Variants in LRBA observed in about 807,000 individuals in gnomAD.
LRBA encodes LPS responsive beige-like anchor protein, also known as lipopolysaccharide-responsive and beige-like anchor protein.
A neutral mutation model predicts 330.0 loss-of-function variants in LRBA; 176 were observed. The observed-to-expected ratio is 0.53, with a 90% CI of 0.47 to 0.60. The LOEUF (loss-of-function observed/expected upper bound fraction) is 0.60. Ranked by LOEUF, LRBA falls within the 20% of genes least tolerant of loss-of-function variation. LRBA has a pLI of 0.00. For missense variants in LRBA, 3,259 were observed against 3,444.8 expected (o/e 0.95, Z 1.35); for synonymous variants, 1,230 against 1,193.0 (o/e 1.03, Z -0.64).
intron 35 of LRBA, among the ~76,000 whole-genome samples, chr4:150,738,017 A>AAATGTGACTTGAGGAGGGG (rs1731450061): frequency 7.4e-6 from 1 of 134,252 alleles, no homozygotes; most frequent in Admixed American, 7.9e-5. Context: ...TCTGAGACGA[A>AAATGTGACTTGAGGAGGGG]GTTTCGCTCT....
intron 40 of LRBA, among the ~76,000 whole-genome samples, chr4:150,553,614 T>C (rs1164577496): frequency 6.6e-6 from 1 of 152,088 alleles, no homozygotes; most frequent in African/African-American, 2.4e-5. Context: ...AATTGTCAAG[T>C]CAGAAAGTTA....
intron 36 of LRBA, among the ~76,000 whole-genome samples, chr4:150,695,289 C>A (rs1193682241): frequency 6.6e-6 from 1 of 152,034 alleles, no homozygotes; most frequent in Non-Finnish European, 1.5e-5. Context: ...CTCTGTATCC[C>A]CAGGTTCTAC....
At chr4:150,818,656 AT>A (rs1389360504) in intron 30 of LRBA, among the ~76,000 whole-genome samples, 3 of 151,902 alleles carry the variant, frequency 2.0e-5, no homozygotes, top group African/African-American at 7.2e-5. Flanking sequence ...GGAGGGAGAA[AT>A]TTAAAACCCA....
chr4:150,468,619 C>T (rs920251275), intron 43 of LRBA, among the ~76,000 whole-genome samples: 1 of 151,924 alleles, frequency 6.6e-6, no homozygotes, highest in Non-Finnish European at 1.5e-5. Flanking sequence ...CTAGTCTATA[C>T]ATATTTTTAG....
At chr4:150,639,781 ATGTGTGTGTG>A (rs57210930) in intron 37 of LRBA, among the ~76,000 whole-genome samples, 8,861 of 14,092 alleles carry the variant, frequency 0.63, 3,118 homozygotes, top group Non-Finnish European at 0.72. Context: ...ATATATATAT[ATGTGTGTGTG>A]TATATATATA....
chr4:150,540,219 GTGTTGT>G (rs199996274), intron 40 of LRBA, among the ~76,000 whole-genome samples: 7 of 152,096 alleles, frequency 4.6e-5, no homozygotes, highest in Admixed American at 2.6e-4. Context: ...GTTTTTATGG[GTGTTGT>G]TGTTGTTGTT....
chr4:150,491,043 G>A lies in LRBA; in HGVS notation c.6331-8C>T, dbSNP rs1581473443. ...TTCTGTATATGCCAAGATCTAATGA[G>A]GAAAAAAATAATCCCAGGTAAGTAA... is the stretch of plus-strand genomic sequence containing the variant. On this transcript the variant is annotated splice_polypyrimidine_tract_variant and splice_region_variant and intron_variant, in intron 40 of 56. Transcript: ENST00000651943. 2 of 1,411,804 alleles carry A rather than the reference G, an allele frequency of 1.4e-6. No homozygotes were observed. The highest frequency in any genetic ancestry group is 1.8e-5 in the Admixed American group (1 of 54,684). 87.5% of individuals were successfully genotyped at this position (1,411,804 alleles called of 1,614,324 possible). A position where few individuals can be genotyped will look rare whatever the true frequency, so the allele number is the denominator to read the frequency against.
At chr4:150,626,800 A>T (rs942912683) in intron 37 of LRBA, among the ~76,000 whole-genome samples, 1 of 152,196 alleles carries the variant, frequency 6.6e-6, no homozygotes, top group Non-Finnish European at 1.5e-5. Context: ...AAGAGCAAGA[A>T]AACCTTAATT....
chr4:150,387,176 T>G (rs1030699092), intron 47 of LRBA, among the ~76,000 whole-genome samples: 1 of 152,160 alleles, frequency 6.6e-6, no homozygotes, highest in Non-Finnish European at 1.5e-5. Flanking sequence ...ATGGATAGAT[T>G]GCAAAAATTT....
chr4:150,677,399 T>C (rs960711842), intron 37 of LRBA, among the ~76,000 whole-genome samples: 2 of 152,250 alleles, frequency 1.3e-5, no homozygotes, highest in East Asian at 1.9e-4. Context: ...AATTTTTTAA[T>C]GTTTCAATGA....
intron 47 of LRBA, among the ~76,000 whole-genome samples, chr4:150,404,011 G>A (rs987768626): frequency 2.0e-5 from 3 of 151,954 alleles, no homozygotes; most frequent in Admixed American, 6.6e-5. Flanking sequence ...CAGCCTGGGC[G>A]ACAGAGCGAG....
At chr4:150,805,851 T>A (rs1374194828) in intron 33 of LRBA, among the ~76,000 whole-genome samples, 1 of 152,126 alleles carries the variant, frequency 6.6e-6, no homozygotes, top group South Asian at 2.1e-4. Context: ...ACGTAAGCAG[T>A]ATAGAGTAAA....
At chr4:150,882,661 ATT>A (rs1351380311) in intron 17 of LRBA, among the ~76,000 whole-genome samples, 1 of 152,234 alleles carries the variant, frequency 6.6e-6, no homozygotes, top group Non-Finnish European at 1.5e-5. Flanking sequence ...AGAAAATATA[ATT>A]CAGGCAAGAG....
At chr4:150,970,336 C>T (rs1000838496) in intron 2 of LRBA, among the ~76,000 whole-genome samples, 2 of 151,522 alleles carry the variant, frequency 1.3e-5, no homozygotes, top group Non-Finnish European at 1.5e-5. Flanking sequence ...CCCATCTCTA[C>T]AAAAAAGTAA....
chr4:150,719,795 C>T (rs1728689838), intron 36 of LRBA, among the ~76,000 whole-genome samples: 1 of 152,074 alleles, frequency 6.6e-6, no homozygotes, highest in Non-Finnish European at 1.5e-5. Flanking sequence ...AGAACAAATA[C>T]TGGTGAAGCA....
intron 37 of LRBA, among the ~76,000 whole-genome samples, chr4:150,676,222 T>C (rs1189346005): frequency 6.6e-6 from 1 of 152,160 alleles, no homozygotes; most frequent in Admixed American, 6.5e-5. Flanking sequence ...CACACTAATC[T>C]TGTATTAGAG....
In LRBA at chr4:150,595,523, C is replaced by A. The variant is rs545569049; in HGVS notation, c.6046+3484G>T. Among the ~76,000 whole-genome samples the A allele has an allele frequency of 1.4e-4, 22 of 152,076 alleles. No individual in the cohort carries two copies. The South Asian group carries it at 4.1e-3, about 29-fold the overall frequency. On this transcript the variant is annotated intron_variant, in intron 38 of 56. Coordinates refer to ENST00000651943, the MANE Select transcript of LRBA (RefSeq NM_001364905.1). ...ATATATTTCTATTAGCAAGCACGTT[C>A]TCTACCAAATAAAAATGTCTTGAAT...
At chr4:150,740,554 T>C (rs1156811634) in intron 35 of LRBA, among the ~76,000 whole-genome samples, 1 of 150,504 alleles carries the variant, frequency 6.6e-6, no homozygotes, top group African/African-American at 2.4e-5. Context: ...TTTTAAATAC[T>C]ATTTTGAAAA....
At chr4:150,943,201 T>C (rs1280965390) in intron 2 of LRBA, among the ~76,000 whole-genome samples, 1 of 152,240 alleles carries the variant, frequency 6.6e-6, no homozygotes, top group Non-Finnish European at 1.5e-5. Context: ...AGCTTTAATA[T>C]GCAACTGTGC....
Sources: allele counts gnomAD v4.1 joint callset (sites outside exome capture counted in the v4.1 genomes callset), GRCh38; gene constraint gnomAD v4.1.1; transcripts MANE v1.5; gene names NCBI Gene and HGNC (gene_info 2026-07-23, HGNC 2026-07-21).